The following EMILIN2 variants were observed in gnomAD, a reference collection of about 807,000 sequenced individuals.
EMILIN2 encodes the protein elastin microfibril interfacer 2.
In EMILIN2, 71 loss-of-function variants were observed where a neutral mutation model predicts 87.1. That is an observed-to-expected ratio of 0.82 (90% CI 0.67 to 0.99). The LOEUF (loss-of-function observed/expected upper bound fraction) is 0.99. Among genes scored for constraint, EMILIN2 ranks in the 50% least tolerant of loss-of-function variants. The probability of loss-of-function intolerance (pLI) is 0.00; values close to 1 mark genes in which losing one functional copy is unlikely to be tolerated. For synonymous variants in EMILIN2, 581 were observed against 563.4 expected (o/e 1.03, Z -0.44); for missense variants, 1,407 against 1,371.8 (o/e 1.03, Z -0.40).
Position 2,913,756 on chromosome 18 carries a change from C to T in EMILIN2, c.*352C>T. On this transcript the variant is annotated 3_prime_UTR_variant, in exon 8 of 8. Coordinates refer to ENST00000254528, the MANE Select transcript of EMILIN2 (RefSeq NM_032048.3). The stretch of plus-strand genomic sequence containing the variant: ...CTGGGAGGAGGGAGGCAGGGGAGAG[C>T]CGGTCACGGTGGCTGGTCTTTACTG... 1 of 244,786 alleles carries T rather than the reference C, an allele frequency of 4.1e-6. No individual in the cohort carries two copies. The highest frequency in any genetic ancestry group is 7.9e-6 in the Non-Finnish European group (1 of 125,984). The allele number at this position is 244,786 out of a possible 1,614,324, so 15.2% of individuals were successfully genotyped here. A position where few individuals can be genotyped will look rare whatever the true frequency, so the allele number is the denominator to read the frequency against.
chr18:2,909,056 C>T, intron 6 of EMILIN2, 81 bp downstream of exon 6: 10 of 1,524,888 alleles, frequency 6.6e-6, no homozygotes, highest in Non-Finnish European at 9.1e-6. Context: ...CCTGCCTCCT[C>T]CCTCCAGGCT....
chr18:2,860,938 T>C (rs2076657879), intron 2 of EMILIN2, among the ~76,000 whole-genome samples: 1 of 152,350 alleles, frequency 6.6e-6, no homozygotes, highest in African/African-American at 2.4e-5. Context: ...TTCTAACTGG[T>C]GTGAGATGGT....
chr18:2,889,203 T>C (rs1056119483), intron 3 of EMILIN2, among the ~76,000 whole-genome samples: 14 of 146,582 alleles, frequency 9.6e-5, no homozygotes, highest in Admixed American at 6.3e-4. Flanking sequence ...AGCGGCACTA[T>C]GTCGGCTCAC....
chr18:2,887,332 T>A (rs7229823), intron 3 of EMILIN2, among the ~76,000 whole-genome samples: 25,407 of 152,126 alleles, frequency 0.17, 2,810 homozygotes, highest in African/African-American at 0.31. Context: ...AGAAATGCTT[T>A]TCCTCTGATA....
At chr18:2,906,514 C>T in intron 4 of EMILIN2, 1 of 330,762 alleles carries the variant, frequency 3.0e-6, no homozygotes, top group East Asian at 4.6e-5. Flanking sequence ...AAGAGTGAGG[C>T]CGGTTTGGAA....
Position 2,892,128 on chromosome 18 carries a change from C to T in EMILIN2, c.2001C>T (p.Cys667=), listed in dbSNP as rs778958254. The change falls in exon 4 of 8, where the codon TGC becomes TGT. Residue 667 remains cysteine, a synonymous_variant. Coordinates refer to ENST00000254528, the MANE Select transcript of EMILIN2 (RefSeq NM_032048.3). ...CCCAGCACCCCGTGGCTCATTGCTG[C>T]AGTCAGCTGGAGGAGAGGTGGCAGA... The part of the protein sequence containing the change: ...PSPQHPVAHC[C]SQLEERWQRL... The T allele has an allele frequency of 5.6e-6, 9 of 1,610,744 alleles. No homozygotes were observed. Among genetic ancestry groups the T allele is most frequent in the East Asian group, 2.2e-5 (1 of 44,826 alleles).
chr18:2,912,321 G>A (rs539100713), intron 7 of EMILIN2, among the ~76,000 whole-genome samples: 6 of 152,194 alleles, frequency 3.9e-5, no homozygotes, highest in African/African-American at 1.2e-4. Flanking sequence ...GATTACAGGC[G>A]TGAGCCACCA....
intron 6 of EMILIN2, among the ~76,000 whole-genome samples, chr18:2,909,327 G>A (rs1489225902): frequency 9.9e-5 from 15 of 152,250 alleles, no homozygotes; most frequent in Admixed American, 1.3e-4. Flanking sequence ...TAGTAAGGAA[G>A]CAGCTCCCTA....
In EMILIN2 at chr18:2,891,636, C is replaced by T. The variant is rs760539109; in HGVS notation, c.1509C>T (p.Ser503=). The T allele has an allele frequency of 1.2e-5, 19 of 1,614,026 alleles. No individual in the cohort carries two copies. Among genetic ancestry groups the T allele is most frequent in the East Asian group, 4.5e-5 (2 of 44,882 alleles). ...KIQSLEDRLG[S]VLLQMTNNTG... is the part of the protein sequence containing the mutation. ...AGTCTCTGGAAGACCGTCTGGGGAG[C>T]GTTCTCCTACAGATGACCAATAACA... Residue 503 remains serine, a synonymous_variant, in exon 4 of 8, where the codon AGC becomes AGT. Coordinates refer to ENST00000254528, the MANE Select transcript of EMILIN2 (RefSeq NM_032048.3). This position sits in a 1 kb window ranked among gnomAD's most constrained non-coding sequence, Gnocchi z 4.6.
intron 2 of EMILIN2, among the ~76,000 whole-genome samples, chr18:2,849,059 T>C (rs1316996500): frequency 1.3e-5 from 2 of 152,186 alleles, no homozygotes; most frequent in Non-Finnish European, 2.9e-5. Context: ...CATTTCCTAA[T>C]ATACAGTGGA....
intron 2 of EMILIN2, among the ~76,000 whole-genome samples, chr18:2,868,484 A>G (rs1432703116): frequency 6.6e-6 from 1 of 152,296 alleles, no homozygotes; most frequent in East Asian, 1.9e-4. Context: ...AGATCACACC[A>G]CTGCACTCCA....
chr18:2,871,368 C>T (rs962181400), intron 2 of EMILIN2, among the ~76,000 whole-genome samples: 1 of 152,190 alleles, frequency 6.6e-6, no homozygotes, highest in Non-Finnish European at 1.5e-5. Context: ...TGAGCCACCA[C>T]ACCTGGCAGG....
intron 3 of EMILIN2, among the ~76,000 whole-genome samples, chr18:2,886,146 A>C (rs1315420233): frequency 2.0e-5 from 3 of 152,186 alleles, no homozygotes; most frequent in Admixed American, 1.3e-4. Flanking sequence ...TTATCTCACA[A>C]ATATTTATTG....
At chr18:2,898,603 C>G (rs1454806577) in intron 4 of EMILIN2, among the ~76,000 whole-genome samples, 1 of 152,234 alleles carries the variant, frequency 6.6e-6, no homozygotes, top group African/African-American at 2.4e-5. Flanking sequence ...TTTTTCTGCT[C>G]TCCCACCCCT....
upstream of EMILIN2, chr18:2,846,837 G>T (rs2076576387): frequency 1.0e-6 from 1 of 985,266 alleles, no homozygotes; most frequent in Admixed American, 6.1e-5. This position sits in a 1 kb window ranked among gnomAD's most constrained non-coding sequence, Gnocchi z 5.3. Context: ...AAACCCTTTC[G>T]CCCCTCCACC....
Position 2,891,547 on chromosome 18 carries a change from A to G in EMILIN2, c.1420A>G (p.Thr474Ala). The G allele has an allele frequency of 1.9e-6, 3 of 1,614,054 alleles. No individual in the cohort carries two copies. The highest frequency in any genetic ancestry group is 2.5e-6 in the Non-Finnish European group (3 of 1,180,028). Residue 474 changes from threonine (T) to alanine (A), a missense_variant, in exon 4 of 8, where the codon ACC becomes GCC. Coordinates refer to ENST00000254528, the MANE Select transcript of EMILIN2 (RefSeq NM_032048.3). The surrounding 1 kb of genome is among the most constrained non-coding windows in gnomAD (Gnocchi z 4.6). Reference sequence around the variant, plus strand: ...AGAACATTGCTTTTACATTGAGGAAACCCTTCGGGGCGCCATTAATGGAGA... The same window carrying G: ...AGAACATTGCTTTTACATTGAGGAAGCCCTTCGGGGCGCCATTAATGGAGA... ...AEEHCFYIEETLRGAINGEVG... is the reference protein window; with the variant it reads ...AEEHCFYIEEALRGAINGEVG...
intron 4 of EMILIN2, chr18:2,906,565 C>T: frequency 2.7e-6 from 1 of 371,640 alleles, no homozygotes; most frequent in Non-Finnish European, 4.7e-6. Flanking sequence ...AACGCCCCGG[C>T]CCCGGGCAGG....
At chr18:2,888,367 A>G (rs1368106163) in intron 3 of EMILIN2, among the ~76,000 whole-genome samples, 1 of 152,130 alleles carries the variant, frequency 6.6e-6, no homozygotes, top group African/African-American at 2.4e-5. Flanking sequence ...CTTTGCTTAG[A>G]ATAGCATTCC....
In EMILIN2 at chr18:2,848,055, G is replaced by A. The variant is rs1299539499; in HGVS notation, c.257+124G>A. The A allele has an allele frequency of 4.7e-6, 6 of 1,282,312 alleles. No individual in the cohort carries two copies. Among genetic ancestry groups the A allele is most frequent in the East Asian group, 2.7e-5 (1 of 37,460 alleles). The allele number at this position is 1,282,312 out of a possible 1,614,324, so 79.4% of individuals were successfully genotyped here. ...CCCTTCCAGATCCGGTGAAAAGCCC[G>A]CAGCGGAAAAGCGCTCCGAGCGCTC... is the stretch of plus-strand genomic sequence containing the variant. On this transcript the variant is annotated intron_variant, in intron 2 of 7. Coordinates refer to ENST00000254528, the MANE Select transcript of EMILIN2 (RefSeq NM_032048.3). The surrounding 1 kb of genome is among the most constrained non-coding windows in gnomAD (Gnocchi z 4.1).
Sources: gnomAD v4.1 joint callset for allele counts (sites outside exome capture counted in the v4.1 genomes callset) on GRCh38, gnomAD v4.1.1 for gene constraint, Gnocchi (gnomAD v3.1) non-coding constraint, MANE v1.5 for transcripts, NCBI Gene and HGNC (gene_info 2026-07-23, HGNC 2026-07-21) for gene names.